Variants in DOCK5 observed in about 807,000 individuals in gnomAD.
DOCK5 encodes dedicator of cytokinesis 5.
A neutral mutation model predicts 251.8 loss-of-function variants in DOCK5; 142 were observed. The observed-to-expected ratio is 0.56, with a 90% CI of 0.49 to 0.65. The LOEUF is 0.65. DOCK5 is among the 30% of genes least tolerant of loss of function. The pLI is 0.00. For missense variants in DOCK5, 2,111 were observed against 2,312.3 expected, an observed-to-expected ratio of 0.91 and a Z score of 1.79; for synonymous variants, 842 against 835.5, an observed-to-expected ratio of 1.01 and a Z score of -0.13.
rs751155892 is a variant in DOCK5 at position 25,369,624 on chromosome 8, G to C, written c.3507G>C (p.Lys1169Asn). The change falls in exon 34 of 52, where the codon AAG (lysine) becomes AAC (asparagine). Residue 1169 changes from lysine to asparagine, a missense_variant. By Grantham distance (94) the Lys-to-Asn change is moderately conservative (BLOSUM62 0). Around this residue, in one of 3 missense-constraint regions of DOCK5, gnomAD observed 1,717 missense variants for 1,892.4 expected, o/e 0.91. Transcript: ENST00000276440. ...VEGGRGDEQY[K>N]VLLEKLLLEH... ...GGGGCAGAGGAGACGAACAATACAA[G>C]GTTCTTCTGGAAAAACTGTGAGTAT... 4.3e-6 allele frequency: 7 copies of C among 1,609,258 alleles called. No homozygotes were observed. Among genetic ancestry groups the C allele is most frequent in the Non-Finnish European group, 5.9e-6 (7 of 1,177,832 alleles).
At chr8:25,198,249 C>G (rs1252321875) in intron 1 of DOCK5, among the ~76,000 whole-genome samples, 3 of 152,126 alleles carry the variant, frequency 2.0e-5, no homozygotes, top group Non-Finnish European at 4.4e-5. Context: ...TCTCATGACC[C>G]AGCCTTCCCT....
intron 10 of DOCK5, among the ~76,000 whole-genome samples, chr8:25,302,767 G>A (rs1487955475): frequency 6.6e-6 from 1 of 152,206 alleles, no homozygotes; most frequent in Non-Finnish European, 1.5e-5. Context: ...TACACACTGC[G>A]TGGATGAACC....
At chr8:25,356,982 T>G (rs951381361) in intron 27 of DOCK5, among the ~76,000 whole-genome samples, 2 of 149,890 alleles carry the variant, frequency 1.3e-5, no homozygotes, top group African/African-American at 4.9e-5. Flanking sequence ...TTTAAAAATT[T>G]TGTAATATAG....
intron 37 of DOCK5, chr8:25,375,807 T>C (rs1800953026): frequency 1.0e-6 from 1 of 985,196 alleles, no homozygotes; most frequent in Admixed American, 6.2e-5. Flanking sequence ...AAAAGCTTAT[T>C]GTATAATGGA....
chr8:25,392,069 CGATGCGGGCG>C, intron 43 of DOCK5, 89 bp downstream of exon 43: 1 of 1,216,988 alleles, frequency 8.2e-7, no homozygotes, highest in Admixed American at 2.1e-5. Flanking sequence ...TCTGGGAGGC[CGATGCGGGCG>C]GATCACGAAG....
At chr8:25,304,349 C>G in intron 11 of DOCK5, 22 bp downstream of exon 11, 2 of 1,586,218 alleles carry the variant, frequency 1.3e-6, no homozygotes, top group East Asian at 2.3e-5. Context: ...GGCATGTGTC[C>G]CAGGTGACTT....
intron 35 of DOCK5, 119 bp downstream of exon 35, chr8:25,372,837 C>T (rs148027878): frequency 6.4e-5 from 61 of 957,050 alleles, no homozygotes; most frequent in African/African-American, 5.7e-4. Flanking sequence ...TTTGTGGAGC[C>T]GGTGTCTTCC....
rs186151980 is a variant in DOCK5 at position 25,372,614 on chromosome 8, G to A, written c.3580G>A (p.Ala1194Thr). The A allele has an allele frequency of 8.1e-6, 13 of 1,604,764 alleles. No homozygotes were observed. Among genetic ancestry groups the A allele is most frequent in the Non-Finnish European group, 1.1e-5 (13 of 1,176,308 alleles). The change falls in exon 35 of 52, where the codon GCC becomes ACC. Residue 1194 changes from alanine (A) to threonine (T), a missense_variant. This residue lies in a region of DOCK5 where 1,717 missense variants were observed against 1,892.4 expected (regional missense o/e 0.91). Transcript: ENST00000276440. ...KYLSSSGEVF[A>T]LLVSSLLENL... ...CCTCTCCAGCTCTGGGGAGGTCTTC[G>A]CCCTCCTGGTCAGCAGCCTCTTAGA...
At chr8:25,343,074 C>T (rs928093747) in intron 25 of DOCK5, among the ~76,000 whole-genome samples, 15 of 152,066 alleles carry the variant, frequency 9.9e-5, no homozygotes, top group African/African-American at 2.4e-5. Flanking sequence ...TCTCTGCTCC[C>T]TCTAACCTCT....
rs376169093 is a variant in DOCK5, at chr8:25,332,689, A to T, written c.2088A>T (p.Ala696=). The T allele has an allele frequency of 1.2e-6, 2 of 1,609,638 alleles. No homozygotes were observed. Among genetic ancestry groups the T allele is most frequent in the South Asian group, 2.2e-5 (2 of 90,250 alleles). Reference sequence around the variant, plus strand: ...CCTATGACTTCCTTGTGTTTGACGCACTGGTAAGCAGTTAAACATATTAAC... The same window carrying T: ...CCTATGACTTCCTTGTGTTTGACGCTCTGGTAAGCAGTTAAACATATTAAC... ...SETYDFLVFD[A]LVFIISLIGD... Residue 696 remains alanine, a synonymous_variant, in exon 20 of 52, where the codon GCA becomes GCT. Transcript: ENST00000276440.
intron 40 of DOCK5, among the ~76,000 whole-genome samples, chr8:25,386,402 C>A: frequency 6.6e-6 from 1 of 152,110 alleles, no homozygotes; most frequent in East Asian, 1.9e-4. Flanking sequence ...TGAGGCCAGC[C>A]TGGGCATCAT....
At chr8:25,399,832 A>G in intron 45 of DOCK5, 79 bp from the exon 46 acceptor site, 1 of 1,069,662 alleles carries the variant, frequency 9.3e-7, no homozygotes. Context: ...TCCGCACAGG[A>G]CACATGTTTC....
In DOCK5 at chr8:25,311,501, C is replaced by T. The variant is rs1351482378; in HGVS notation, c.1318+969C>T. ...GAGGTTGCAGTGGGCCGAGATCGCA[C>T]CACTGCACTCCAGCCTGGGCAACAA... On this transcript the variant is annotated intron_variant, in intron 13 of 51. Transcript: ENST00000276440. Among the ~76,000 whole-genome samples the T allele has an allele frequency of 5.3e-5, 8 of 150,148 alleles. No homozygotes were observed. In the South Asian group the frequency reaches 1.5e-3, roughly 28 times the overall value.
At chr8:25,262,397 C>T (rs1803613980) in intron 2 of DOCK5, among the ~76,000 whole-genome samples, 1 of 152,144 alleles carries the variant, frequency 6.6e-6, no homozygotes. Context: ...ACCATTCCGT[C>T]AGCCCCCAAG....
At chr8:25,190,032 G>A (rs570742431) in intron 1 of DOCK5, among the ~76,000 whole-genome samples, 9 of 152,200 alleles carry the variant, frequency 5.9e-5, no homozygotes, top group East Asian at 1.9e-4. Flanking sequence ...GATTACAGGC[G>A]CACGCCACCA....
At chr8:25,326,279 T>C (rs867074536) in intron 18 of DOCK5, among the ~76,000 whole-genome samples, 1 of 152,184 alleles carries the variant, frequency 6.6e-6, no homozygotes, top group Non-Finnish European at 1.5e-5. Context: ...GCCTTTGGCC[T>C]TGTAGACAGT....
chr8:25,332,502 T>C lies in DOCK5; in HGVS notation c.2002-101T>C, dbSNP rs1805706327. 2.4e-6 allele frequency: 3 copies of C among 1,225,046 alleles called. No homozygotes were observed. The African/African-American group carries it at 4.6e-5, about 19-fold the overall frequency. 75.9% of individuals were successfully genotyped at this position (1,225,046 alleles called of 1,614,324 possible). A position where few individuals can be genotyped will look rare whatever the true frequency, so the allele number is the denominator to read the frequency against. On this transcript the variant is annotated intron_variant, in intron 19 of 51. Transcript: ENST00000276440. ...AGTGTGCTAGTTTTTTAAAAAATGCTATTTTAAACCTCTTTGATTTAAACT... is the reference window on the plus strand; with the variant it reads ...AGTGTGCTAGTTTTTTAAAAAATGCCATTTTAAACCTCTTTGATTTAAACT...
At chr8:25,226,127 G>T (rs1586243361) in intron 1 of DOCK5, among the ~76,000 whole-genome samples, 1 of 151,946 alleles carries the variant, frequency 6.6e-6, no homozygotes, top group East Asian at 1.9e-4. Context: ...AATTGAATCT[G>T]TTTATTAGTT....
In DOCK5 at chr8:25,412,123, G is replaced by A. The variant is rs1007983594; in HGVS notation, c.*825G>A. The stretch of plus-strand genomic sequence containing the variant: ...TTTTGTCCTATTACCTCCTCTGAGC[G>A]CAAATCACTGGCTACAAGGGACTTA... On this transcript the variant is annotated 3_prime_UTR_variant, in exon 52 of 52. Coordinates refer to ENST00000276440, the MANE Select transcript of DOCK5 (RefSeq NM_024940.8). The A allele has an allele frequency of 8.1e-6, 1 of 124,054 alleles. No individual in the cohort carries two copies. The highest frequency in any genetic ancestry group is 1.6e-5 in the Non-Finnish European group (1 of 63,434). The allele number at this position is 124,054 out of a possible 1,614,324, so 7.7% of individuals were successfully genotyped here.
Sources: allele counts gnomAD v4.1 joint callset (sites outside exome capture counted in the v4.1 genomes callset), GRCh38; gene constraint gnomAD v4.1.1; regional missense constraint gnomAD v4.1.1; transcripts MANE v1.5; gene names NCBI Gene and HGNC (gene_info 2026-07-23, HGNC 2026-07-21).